Variants in SDK2 observed in about 807,000 individuals in gnomAD.
SDK2 encodes the protein sidekick cell adhesion molecule 2.
Under a neutral mutation model 253.9 loss-of-function variants are expected in SDK2, and 105 were observed. That is an observed-to-expected ratio of 0.41 (90% confidence interval 0.35 to 0.49). SDK2 has a LOEUF of 0.49. Among genes scored for constraint, SDK2 ranks in the 20% least tolerant of loss-of-function variants. The pLI is 0.06. For missense variants in SDK2, 2,608 were observed against 3,003.0 expected, an observed-to-expected ratio of 0.87 and a Z score of 3.07; for synonymous variants, 1,249 against 1,234.9, an observed-to-expected ratio of 1.01 and a Z score of -0.24.
At chr17:73,445,102 A>G (rs1247579196) in intron 5 of SDK2, among the ~76,000 whole-genome samples, 1 of 152,232 alleles carries the variant, frequency 6.6e-6, no homozygotes, top group Non-Finnish European at 1.5e-5. Context: ...CTAAATACAG[A>G]TCACGTATTT....
intron 44 of SDK2, among the ~76,000 whole-genome samples, chr17:73,346,879 G>A (rs918303523): frequency 6.6e-6 from 1 of 152,186 alleles, no homozygotes; most frequent in African/African-American, 2.4e-5. Flanking sequence ...GGCCTGTGCA[G>A]CTGCTGATCC....
In SDK2 at chr17:73,402,099, C is replaced by T. The variant is rs769496398; in HGVS notation, c.2527G>A (p.Val843Met). 14 of 1,613,914 alleles carry T rather than the reference C, an allele frequency of 8.7e-6. No homozygotes were observed. The Middle Eastern group carries it at 1.6e-3, about 189-fold the overall frequency. Residue 843 changes from valine (V) to methionine (M), a missense_variant, in exon 19 of 45, where the codon GTG (valine) becomes ATG (methionine). By Grantham distance (21) the Val-to-Met change is conservative. Transcript: ENST00000392650. ...EPEQEEEVTM[V>M]TARPNFQDSI... Reference sequence around the variant, plus strand: ...TCTTGAAAGTTAGGCCGGGCGGTCACCATGGTAACCTCCTCTTCCTGTTCC... The same window carrying T: ...TCTTGAAAGTTAGGCCGGGCGGTCATCATGGTAACCTCCTCTTCCTGTTCC...
chr17:73,421,573 CTTTTT>C (rs36068491), intron 15 of SDK2, among the ~76,000 whole-genome samples: 4 of 90,788 alleles, frequency 4.4e-5, no homozygotes, highest in African/African-American at 1.8e-4. Flanking sequence ...CAATTTCCAT[CTTTTT>C]TTTTTTTTTT....
At chr17:73,492,000 A>G (rs1872076) in intron 2 of SDK2, among the ~76,000 whole-genome samples, 63,789 of 151,982 alleles carry the variant, frequency 0.42, 13,657 homozygotes, top group East Asian at 0.53. Flanking sequence ...AATCTGGGCC[A>G]GCTTCATGCC....
intron 1 of SDK2, among the ~76,000 whole-genome samples, chr17:73,599,242 A>T (rs935367716): frequency 2.0e-5 from 3 of 152,156 alleles, no homozygotes; most frequent in Admixed American, 2.0e-4. Context: ...AAAAGAAAGG[A>T]GAGAAGGTGC....
chr17:73,483,254 T>C (rs916290233), intron 2 of SDK2, among the ~76,000 whole-genome samples: 2 of 148,186 alleles, frequency 1.3e-5, no homozygotes, highest in African/African-American at 5.0e-5. Context: ...GCTACATAGA[T>C]GGGAGGAGAG....
At chr17:73,482,804 T>C (rs1301295898) in intron 2 of SDK2, among the ~76,000 whole-genome samples, 1 of 152,214 alleles carries the variant, frequency 6.6e-6, no homozygotes, top group Non-Finnish European at 1.5e-5. Flanking sequence ...CGGCTACTCC[T>C]CCTGGGTGAG....
At chr17:73,544,033 G>A (rs1171928130) in intron 1 of SDK2, among the ~76,000 whole-genome samples, 1 of 152,226 alleles carries the variant, frequency 6.6e-6, no homozygotes, top group Non-Finnish European at 1.5e-5. Flanking sequence ...ATGAGGTAAC[G>A]TGAGCACAGC....
At chr17:73,590,460 A>G (rs912852944) in intron 1 of SDK2, among the ~76,000 whole-genome samples, 3 of 152,198 alleles carry the variant, frequency 2.0e-5, no homozygotes, top group African/African-American at 4.8e-5. Flanking sequence ...GCTGTGCAAC[A>G]CCATTGCTCT....
intron 27 of SDK2, 60 bp from the exon 28 acceptor site, chr17:73,391,598 C>A: frequency 1.0e-6 from 1 of 970,288 alleles, no homozygotes; most frequent in Non-Finnish European, 1.4e-6. Context: ...TGGGGATGAG[C>A]CCAGCTCGGG....
rs2062676057 is a variant in SDK2 at position 73,365,404 on chromosome 17, G to C, written c.5168-9C>G. 1 of 1,598,692 alleles carries C rather than the reference G, an allele frequency of 6.3e-7. No individual in the cohort carries two copies. The highest frequency in any genetic ancestry group is 2.3e-5 in the East Asian group (1 of 44,338). On this transcript the variant is annotated splice_polypyrimidine_tract_variant and intron_variant, in intron 37 of 44. Transcript: ENST00000392650. ...GCTGGGAGCGCTGGGGGCTGCGGGA[G>C]ACAGCAAAGGGTTTTTGTTTCCTTC...
chr17:73,562,851 C>T (rs1286629549), intron 1 of SDK2, among the ~76,000 whole-genome samples: 1 of 152,264 alleles, frequency 6.6e-6, no homozygotes, highest in African/African-American at 2.4e-5. Context: ...ATCCTGGCAG[C>T]AGCCGCACGA....
chr17:73,522,490 A>G (rs890999464), intron 1 of SDK2, among the ~76,000 whole-genome samples: 35 of 152,172 alleles, frequency 2.3e-4, no homozygotes, highest in Admixed American at 7.9e-4. Flanking sequence ...TTGCCTGGGA[A>G]CCAGCTGGGG....
intron 12 of SDK2, among the ~76,000 whole-genome samples, chr17:73,427,642 C>CAAAAAAAA (rs9302965): frequency 1.1e-4 from 12 of 105,794 alleles, no homozygotes; most frequent in Non-Finnish European, 1.3e-4. Context: ...CATCCACATG[C>CAAAAAAAA]AAAAAAAAAA....
At chr17:73,437,680 G>A (rs2063380585) in intron 8 of SDK2, 59 bp downstream of exon 8, 1 of 1,348,430 alleles carries the variant, frequency 7.4e-7, no homozygotes, top group Admixed American at 1.7e-5. Context: ...CCACAATGAG[G>A]ATGGGAGAGG....
At chr17:73,634,673 G>C (rs2046308766) in intron 1 of SDK2, among the ~76,000 whole-genome samples, 1 of 152,212 alleles carries the variant, frequency 6.6e-6, no homozygotes, top group Non-Finnish European at 1.5e-5. Flanking sequence ...GTGTGTGAAA[G>C]ACAAAAGGAA....
intron 1 of SDK2, among the ~76,000 whole-genome samples, chr17:73,569,559 G>C (rs2145864545): frequency 6.6e-6 from 1 of 151,292 alleles, no homozygotes; most frequent in Non-Finnish European, 1.5e-5. Flanking sequence ...CGTGGTGAGG[G>C]ATGGGGGTGG....
At chr17:73,559,894 A>T (rs2045206133) in intron 1 of SDK2, among the ~76,000 whole-genome samples, 1 of 152,110 alleles carries the variant, frequency 6.6e-6, no homozygotes, top group African/African-American at 2.4e-5. Context: ...AGGGCTGGGC[A>T]CCAGCTGGTT....
chr17:73,594,080 C>T (rs764461938), intron 1 of SDK2, among the ~76,000 whole-genome samples: 2 of 152,200 alleles, frequency 1.3e-5, no homozygotes, highest in Non-Finnish European at 2.9e-5. Flanking sequence ...TATCTAATAT[C>T]GTTTCCAACT....
Sources: allele counts gnomAD v4.1 joint callset (sites outside exome capture counted in the v4.1 genomes callset), GRCh38; gene constraint gnomAD v4.1.1; transcripts MANE v1.5; gene names NCBI Gene and HGNC (gene_info 2026-07-23, HGNC 2026-07-21).